Variants in LTBP1 observed in about 807,000 individuals in gnomAD.
LTBP1 encodes latent transforming growth factor beta binding protein 1.
Under a neutral mutation model 207.6 loss-of-function variants are expected in LTBP1, and 129 were observed. The ratio of observed to expected loss-of-function variants is 0.62; its 90% CI spans 0.54 to 0.72. The LOEUF is 0.72. LTBP1 is among the 30% of genes least tolerant of loss of function. The pLI is 0.00. For missense variants in LTBP1, 2,281 were observed against 2,217.2 expected, an observed-to-expected ratio of 1.03 and a Z score of -0.58; for synonymous variants, 963 against 833.7, an observed-to-expected ratio of 1.16 and a Z score of -2.67.
intron 15 of LTBP1, among the ~76,000 whole-genome samples, chr2:33,270,041 C>T (rs572304291): frequency 2.7e-4 from 40 of 150,744 alleles, no homozygotes; most frequent in Non-Finnish European, 5.2e-4. Flanking sequence ...CTCAGCCTCC[C>T]GAATAGCTGG....
intron 10 of LTBP1, among the ~76,000 whole-genome samples, chr2:33,246,150 TAGTTA>T (rs1185136882): frequency 3.9e-5 from 6 of 152,246 alleles, no homozygotes; most frequent in African/African-American, 1.2e-4. Context: ...CGTTTGTTGC[TAGTTA>T]AGTGTTCCAG....
intron 3 of LTBP1, among the ~76,000 whole-genome samples, chr2:33,037,986 T>G (rs527967250): frequency 1.3e-5 from 2 of 152,364 alleles, no homozygotes; most frequent in East Asian, 3.9e-4. Context: ...CCCAAGGTGC[T>G]GGGCTTACAG....
chr2:33,048,360 C>A (rs2076550620), intron 3 of LTBP1, among the ~76,000 whole-genome samples: 1 of 152,146 alleles, frequency 6.6e-6, no homozygotes, highest in East Asian at 1.9e-4. Context: ...CTTCAAATTT[C>A]TCTTGGAGAG....
intron 3 of LTBP1, among the ~76,000 whole-genome samples, chr2:33,064,906 A>G (rs979836935): frequency 2.0e-5 from 3 of 152,170 alleles, no homozygotes; most frequent in East Asian, 1.9e-4. Context: ...CCCTTTTGCT[A>G]TATTTTACTA....
At chr2:32,975,583 G>GT (rs779168923) in intron 2 of LTBP1, among the ~76,000 whole-genome samples, 1 of 31,382 alleles carries the variant, frequency 3.2e-5, no homozygotes, top group African/African-American at 1.4e-4. Context: ...TTCATTCTTT[G>GT]TTTTTTTTTT....
intron 2 of LTBP1, among the ~76,000 whole-genome samples, chr2:33,018,761 A>G (rs2149194374): frequency 6.6e-6 from 1 of 152,306 alleles, no homozygotes; most frequent in African/African-American, 2.4e-5. Context: ...TGTGGAGACC[A>G]TTTTAGAACA....
At position 33,275,869 on chromosome 2, in the gene LTBP1, C is replaced by T. The variant is rs761673799; in HGVS notation, c.2938C>T (p.Arg980Trp). Residue 980 changes from arginine to tryptophan, a missense_variant, in exon 18 of 34, where the codon CGG (arginine) becomes TGG (tryptophan). Arg to Trp is a moderately radical substitution (Grantham distance 101, BLOSUM62 -3). This residue lies in a region of LTBP1 where 1,671 missense variants were observed against 1,634.8 expected (regional missense o/e 1.02). Transcript: ENST00000404816. ...GHCVNTVGAF[R>W]CEYCDSGYRM... ...CTGTGTCAATACTGTGGGGGCCTTC[C>T]GGTGTGAATACTGTGACAGCGGGTA... 42 of 1,612,004 alleles carry T rather than the reference C, an allele frequency of 2.6e-5. No homozygotes were observed. The highest frequency in any genetic ancestry group is 1.7e-4 in the Middle Eastern group (1 of 6,044).
At chr2:33,260,107 GTT>G (rs1420698276) in intron 13 of LTBP1, among the ~76,000 whole-genome samples, 1 of 152,156 alleles carries the variant, frequency 6.6e-6, no homozygotes, top group Non-Finnish European at 1.5e-5. Context: ...ATACTAGAAT[GTT>G]GCTTTTTGAA....
chr2:33,025,167 C>A (rs980016389), intron 3 of LTBP1, among the ~76,000 whole-genome samples: 1 of 152,302 alleles, frequency 6.6e-6, no homozygotes, highest in South Asian at 2.1e-4. Context: ...GGATGCCACA[C>A]CCTCACGCTT....
intron 2 of LTBP1, among the ~76,000 whole-genome samples, chr2:32,964,246 G>A (rs1679596735): frequency 2.6e-5 from 4 of 152,130 alleles, no homozygotes; most frequent in Admixed American, 1.3e-4. Flanking sequence ...TATTAGATGT[G>A]TATTTAGGAA....
intron 5 of LTBP1, among the ~76,000 whole-genome samples, chr2:33,173,348 A>C (rs545985618): frequency 2.0e-5 from 3 of 152,092 alleles, no homozygotes; most frequent in African/African-American, 7.2e-5. Context: ...ACAGAAATAC[A>C]AACTACCATC....
chr2:32,947,258 G>A lies in LTBP1; in HGVS notation c.-67G>A, dbSNP rs1676308325. ...GGGGGAGCCCGAACGCGCGGGGAAA[G>A]GCGAGCCGCACGGCCGGGGGAGGGG... On this transcript the variant is annotated 5_prime_UTR_variant, in exon 1 of 34. Coordinates refer to ENST00000404816, the MANE Select transcript of LTBP1 (RefSeq NM_206943.4). The A allele has an allele frequency of 6.9e-6, 8 of 1,165,310 alleles. No individual in the cohort carries two copies. The South Asian group carries it at 3.0e-4, about 43-fold the overall frequency. 72.2% of individuals were successfully genotyped at this position (1,165,310 alleles called of 1,614,324 possible). A position where few individuals can be genotyped will look rare whatever the true frequency, so the allele number is the denominator to read the frequency against.
intron 24 of LTBP1, among the ~76,000 whole-genome samples, chr2:33,339,926 T>G (rs1030609818): frequency 6.6e-6 from 1 of 152,130 alleles, no homozygotes; most frequent in African/African-American, 2.4e-5. Context: ...ATTACAGGCA[T>G]GAGCCACCGC....
At chr2:33,109,684 T>C (rs2080280353) in intron 3 of LTBP1, among the ~76,000 whole-genome samples, 1 of 152,238 alleles carries the variant, frequency 6.6e-6, no homozygotes, top group Non-Finnish European at 1.5e-5. Flanking sequence ...TTAACTCAAA[T>C]AGTACAATTT....
At chr2:33,135,357 G>A (rs2082058030) in intron 5 of LTBP1, among the ~76,000 whole-genome samples, 1 of 152,176 alleles carries the variant, frequency 6.6e-6, no homozygotes, top group Admixed American at 6.5e-5. Flanking sequence ...ATTTTGGAAG[G>A]TGGTGATGAA....
At chr2:33,340,414 C>T (rs748113287) in intron 24 of LTBP1, among the ~76,000 whole-genome samples, 3 of 152,054 alleles carry the variant, frequency 2.0e-5, no homozygotes, top group Non-Finnish European at 2.9e-5. Context: ...TCAGGCAGGG[C>T]GGGAGCCTTG....
chr2:33,311,450 T>C (rs2094186156), intron 23 of LTBP1, among the ~76,000 whole-genome samples: 1 of 150,638 alleles, frequency 6.6e-6, no homozygotes, highest in South Asian at 2.1e-4. Context: ...ATTTGAATTA[T>C]AAATATATGT....
intron 19 of LTBP1, among the ~76,000 whole-genome samples, chr2:33,286,661 A>G (rs2093669797): frequency 6.6e-6 from 1 of 152,216 alleles, no homozygotes; most frequent in Non-Finnish European, 1.5e-5. Flanking sequence ...GAAGATTGGC[A>G]GTTATAAAAA....
At chr2:33,143,552 C>A (rs2082794987) in intron 5 of LTBP1, among the ~76,000 whole-genome samples, 1 of 152,152 alleles carries the variant, frequency 6.6e-6, no homozygotes, top group Non-Finnish European at 1.5e-5. Context: ...CCACAAGATG[C>A]ATGAAAAAGG....
Sources: gnomAD v4.1 joint callset for allele counts (sites outside exome capture counted in the v4.1 genomes callset) on GRCh38, gnomAD v4.1.1 for gene constraint, gnomAD v4.1.1 regional missense constraint, MANE v1.5 for transcripts, NCBI Gene and HGNC (gene_info 2026-07-23, HGNC 2026-07-21) for gene names.